The following KLHL29 variants were observed in gnomAD, a reference collection of about 807,000 sequenced individuals.
KLHL29 encodes the protein kelch-like protein 29.
Under a neutral mutation model 80.4 loss-of-function variants are expected in KLHL29, and 21 were observed. The observed-to-expected ratio is 0.26, with a 90% CI of 0.19 to 0.38. The LOEUF is 0.38. Ranked by LOEUF, KLHL29 falls within the 10% of genes least tolerant of loss-of-function variation. KLHL29 has a pLI of 1.00. For synonymous variants in KLHL29, 511 were observed against 526.8 expected (o/e 0.97, Z 0.41); for missense variants, 867 against 1,223.9 (o/e 0.71, Z 4.35).
intron 1 of KLHL29, among the ~76,000 whole-genome samples, chr2:23,403,748 T>A (rs1666652964): frequency 6.6e-6 from 1 of 151,540 alleles, no homozygotes; most frequent in Non-Finnish European, 1.5e-5. Flanking sequence ...TGTGTGTGTG[T>A]GTGTGTGTGT....
intron 1 of KLHL29, among the ~76,000 whole-genome samples, chr2:23,406,232 G>A (rs1666724785): frequency 6.7e-6 from 1 of 150,334 alleles, no homozygotes; most frequent in South Asian, 2.1e-4. Flanking sequence ...GGAGGCTGAG[G>A]CAGGAGAATC....
intron 11 of KLHL29, among the ~76,000 whole-genome samples, chr2:23,699,404 G>C (rs1315928877): frequency 6.6e-6 from 1 of 152,218 alleles, no homozygotes; most frequent in Non-Finnish European, 1.5e-5. Context: ...CCTGCTGGGA[G>C]GGCCTAAGTA....
intron 1 of KLHL29, among the ~76,000 whole-genome samples, chr2:23,469,966 G>A (rs1233824692): frequency 6.0e-5 from 9 of 151,156 alleles, no homozygotes; most frequent in African/African-American, 1.7e-4. Context: ...GCAGGGCTGA[G>A]TTGGGTGAGT....
At chr2:23,623,558 G>A (rs1237770993) in intron 3 of KLHL29, among the ~76,000 whole-genome samples, 1 of 152,202 alleles carries the variant, frequency 6.6e-6, no homozygotes, top group African/African-American at 2.4e-5. Context: ...GGGGGACTCT[G>A]TGTTCTGGAG....
intron 3 of KLHL29, among the ~76,000 whole-genome samples, chr2:23,624,394 C>T (rs150778153): frequency 2.6e-5 from 4 of 152,314 alleles, no homozygotes; most frequent in African/African-American, 9.6e-5. Flanking sequence ...CTGCCACCCC[C>T]CTTCCCAATC....
At position 23,562,113 on chromosome 2, in the gene KLHL29, C is replaced by T; in HGVS notation, c.-45-39C>T. On this transcript the variant is annotated intron_variant, in intron 2 of 13. Coordinates refer to ENST00000486442, the MANE Select transcript of KLHL29 (RefSeq NM_052920.2). This position sits in a 1 kb window ranked among gnomAD's most constrained non-coding sequence, Gnocchi z 4.5. ...TGCTGTCAGTTGTCGCTGCCTGCTC[C>T]AGTCCTAAATCACCCTTCTCTCCAC... The T allele has an allele frequency of 6.7e-7, 1 of 1,496,034 alleles. No homozygotes were observed. Among genetic ancestry groups the T allele is most frequent in the Non-Finnish European group, 9.0e-7 (1 of 1,108,718 alleles). The allele number at this position is 1,496,034 out of a possible 1,614,324, so 92.7% of individuals were successfully genotyped here.
intron 2 of KLHL29, among the ~76,000 whole-genome samples, chr2:23,553,604 G>T (rs1278900619): frequency 6.6e-6 from 1 of 152,208 alleles, no homozygotes. Flanking sequence ...AAGGGCCAGG[G>T]CTAGATGGTG....
At chr2:23,398,552 A>G (rs1435418407) in intron 1 of KLHL29, among the ~76,000 whole-genome samples, 4 of 152,242 alleles carry the variant, frequency 2.6e-5, no homozygotes. Context: ...GCAAAACAAT[A>G]TGCATGTAGG....
At chr2:23,458,889 A>G (rs1308168703) in intron 1 of KLHL29, among the ~76,000 whole-genome samples, 3 of 152,200 alleles carry the variant, frequency 2.0e-5, no homozygotes, top group Non-Finnish European at 4.4e-5. Flanking sequence ...TCTGAGTCTA[A>G]TGGTGAAGGC....
intron 1 of KLHL29, among the ~76,000 whole-genome samples, chr2:23,447,021 A>G (rs1345413581): frequency 6.6e-6 from 1 of 152,218 alleles, no homozygotes; most frequent in African/African-American, 2.4e-5. Flanking sequence ...CTTTAAATCT[A>G]ATCGTTTTCA....
chr2:23,700,421 G>A lies in KLHL29; in HGVS notation c.2106-2765G>A, dbSNP rs777108954. ...TGTTACTACTCTCTTGGGCCTTGAG[G>A]TTATATATGCCTATTGCGCCTCTCC... On this transcript the variant is annotated intron_variant, in intron 11 of 13. Coordinates refer to ENST00000486442, the MANE Select transcript of KLHL29 (RefSeq NM_052920.2). This position sits in a 1 kb window ranked among gnomAD's most constrained non-coding sequence, Gnocchi z 4.6. Among the ~76,000 whole-genome samples, 84 of 152,100 alleles carry A rather than the reference G, an allele frequency of 5.5e-4. No homozygotes were observed. The highest frequency in any genetic ancestry group is 8.7e-4 in the Non-Finnish European group (59 of 68,018).
chr2:23,623,634 G>C (rs1450297420), intron 3 of KLHL29, among the ~76,000 whole-genome samples: 1 of 152,184 alleles, frequency 6.6e-6, no homozygotes, highest in Non-Finnish European at 1.5e-5. Flanking sequence ...CCTGCCCTGT[G>C]GGGGCCGGAG....
Position 23,706,941 on chromosome 2 carries a change from A to T in KLHL29, c.*277A>T, listed in dbSNP as rs768949024. On this transcript the variant is annotated 3_prime_UTR_variant, in exon 14 of 14. Coordinates refer to ENST00000486442, the MANE Select transcript of KLHL29 (RefSeq NM_052920.2). ...GCGCTCGCTCTGCCAGGTGCAATAG[A>T]GTTTCACGTATTTTTCAACTGGGAG... The T allele has an allele frequency of 9.3e-6, 3 of 323,226 alleles. No homozygotes were observed. Among genetic ancestry groups the T allele is most frequent in the Non-Finnish European group, 1.7e-5 (3 of 178,700 alleles). The allele number at this position is 323,226 out of a possible 1,614,324, so 20.0% of individuals were successfully genotyped here. A position where few individuals can be genotyped will look rare whatever the true frequency, so the allele number is the denominator to read the frequency against.
At chr2:23,651,952 C>T (rs2149164154) in intron 5 of KLHL29, among the ~76,000 whole-genome samples, 1 of 152,306 alleles carries the variant, frequency 6.6e-6, no homozygotes, top group African/African-American at 2.4e-5. Flanking sequence ...TCTTTAAAGG[C>T]CCTTTCTCCA....
rs1304772247 is a variant in KLHL29 at position 23,660,956 on chromosome 2, G to A, written c.940+18106G>A. 1.3e-5 allele frequency among the ~76,000 whole-genome samples: 2 copies of A among 152,086 alleles called. 1 individual carries two copies. The highest frequency in any genetic ancestry group is 4.2e-4 in the South Asian group (2 of 4,810). On this transcript the variant is annotated intron_variant, in intron 5 of 13. Transcript: ENST00000486442. The stretch of plus-strand genomic sequence containing the variant: ...TGAGGCAGGAGAATCACTTGAACCC[G>A]GGAGGTAGAGGTTGCAGTGAGCTGA...
chr2:23,642,331 C>T lies in KLHL29; in HGVS notation c.428-7C>T, dbSNP rs1669790770. ...GGCAGATGACGTTTCTTCCATCTCC[C>T]TTGCAGGCACAGGGCCATGGGTGAC... On this transcript the variant is annotated splice_polypyrimidine_tract_variant and splice_region_variant and intron_variant, in intron 4 of 13. Transcript: ENST00000486442. 7.1e-7 allele frequency: 1 copy of T among 1,407,526 alleles called. No individual in the cohort carries two copies. Among genetic ancestry groups the T allele is most frequent in the Non-Finnish European group, 9.3e-7 (1 of 1,075,014 alleles). The allele number at this position is 1,407,526 out of a possible 1,614,324, so 87.2% of individuals were successfully genotyped here. A position where few individuals can be genotyped will look rare whatever the true frequency, so the allele number is the denominator to read the frequency against.
At chr2:23,524,253 C>T (rs1407220761) in intron 2 of KLHL29, 3 of 280,684 alleles carry the variant, frequency 1.1e-5, no homozygotes, top group Non-Finnish European at 2.2e-5. Flanking sequence ...CTTTCTATTA[C>T]ACCAAACCCA....
At chr2:23,399,890 G>T (rs1229190966) in intron 1 of KLHL29, among the ~76,000 whole-genome samples, 2 of 152,154 alleles carry the variant, frequency 1.3e-5, no homozygotes, top group Non-Finnish European at 2.9e-5. Flanking sequence ...GTGCTGATGC[G>T]TGTCCCTGGA....
At chr2:23,552,412 A>T (rs544289137) in intron 2 of KLHL29, among the ~76,000 whole-genome samples, 2 of 152,328 alleles carry the variant, frequency 1.3e-5, no homozygotes, top group East Asian at 3.9e-4. Context: ...TCAATAAAGC[A>T]GTTAAAGAAA....
Sources: gnomAD v4.1 joint callset for allele counts (sites outside exome capture counted in the v4.1 genomes callset) on GRCh38, gnomAD v4.1.1 for gene constraint, Gnocchi (gnomAD v3.1) non-coding constraint, MANE v1.5 for transcripts, NCBI Gene and HGNC (gene_info 2026-07-23, HGNC 2026-07-21) for gene names.